Variants in DNAH9 observed in about 807,000 individuals in gnomAD.
The protein encoded by DNAH9 is dynein axonemal heavy chain 9.
In DNAH9, 345 loss-of-function variants were observed where a neutral mutation model predicts 471.6. The observed-to-expected ratio is 0.73, with a 90% CI of 0.67 to 0.80. The LOEUF is 0.80. Among genes scored for constraint, DNAH9 ranks in the 30% least tolerant of loss-of-function variants. DNAH9 has a pLI of 0.00. For missense variants in DNAH9, 5,407 were observed against 5,609.2 expected, an observed-to-expected ratio of 0.96 and a Z score of 1.15; for synonymous variants, 2,093 against 2,123.6, an observed-to-expected ratio of 0.99 and a Z score of 0.40.
intron 19 of DNAH9, among the ~76,000 whole-genome samples, chr17:11,686,003 A>G (rs1597477287): frequency 1.3e-5 from 2 of 151,698 alleles, no homozygotes; most frequent in Admixed American, 1.3e-4. Flanking sequence ...ACAGGGTTTC[A>G]CCTTGTTAGC....
At position 11,942,470 on chromosome 17, in the gene DNAH9, G is replaced by A. The variant is rs933478518; in HGVS notation, c.12828G>A (p.Leu4276=). ...TREIQRSLRE[L]ELGLKGELTM... Reference sequence around the variant, plus strand: ...AGATTCAGCGCTCACTGAGGGAGCTGGAGCTCGGCTTAAAGGTGAGCGCGG... The same window carrying A: ...AGATTCAGCGCTCACTGAGGGAGCTAGAGCTCGGCTTAAAGGTGAGCGCGG... Residue 4276 remains leucine, a synonymous_variant, in exon 67 of 69, where the codon CTG becomes CTA. Coordinates refer to ENST00000262442, the MANE Select transcript of DNAH9 (RefSeq NM_001372.4). The A allele has an allele frequency of 1.2e-6, 2 of 1,613,862 alleles. No individual in the cohort carries two copies. Among genetic ancestry groups the A allele is most frequent in the African/African-American group, 2.7e-5 (2 of 74,924 alleles).
At chr17:11,640,049 T>C (rs547188058) in intron 9 of DNAH9, among the ~76,000 whole-genome samples, 2 of 152,292 alleles carry the variant, frequency 1.3e-5, no homozygotes, top group South Asian at 2.1e-4. Flanking sequence ...TCAGAATAGC[T>C]TGGGCATGGG....
chr17:11,752,564 G>A (rs1033567877), intron 32 of DNAH9, among the ~76,000 whole-genome samples: 6 of 152,270 alleles, frequency 3.9e-5, no homozygotes, highest in Non-Finnish European at 8.8e-5. Flanking sequence ...CTACTCAGGA[G>A]GCTGAGGCAG....
chr17:11,690,218 G>A lies in DNAH9; in HGVS notation c.4396G>A (p.Glu1466Lys). ...RTNVPLLCSD[E>K]DLIEVLEDNQ... ...CAATGTCCCCCTCCTGTGCTCTGAT[G>A]AGGACCTCATAGAGGTTCTGGAGGA... is the stretch of plus-strand genomic sequence containing the variant. The change falls in exon 20 of 69, where the codon GAG (glutamate) becomes AAG (lysine). Residue 1466 changes from glutamate (E) to lysine (K), a missense_variant. Coordinates refer to ENST00000262442, the MANE Select transcript of DNAH9 (RefSeq NM_001372.4). 1 of 1,614,236 alleles carries A rather than the reference G, an allele frequency of 6.2e-7. No individual in the cohort carries two copies. The highest frequency in any genetic ancestry group is 1.1e-5 in the South Asian group (1 of 91,092).
intron 68 of DNAH9, among the ~76,000 whole-genome samples, chr17:11,968,497 G>A (rs1325815545): frequency 6.6e-6 from 1 of 152,232 alleles, no homozygotes; most frequent in East Asian, 1.9e-4. Flanking sequence ...TATGGGAAAT[G>A]AATAGGTTGC....
intron 8 of DNAH9, among the ~76,000 whole-genome samples, chr17:11,634,750 G>T (rs1430265266): frequency 6.6e-6 from 1 of 152,186 alleles, no homozygotes; most frequent in Non-Finnish European, 1.5e-5. Context: ...CAAACTGTCA[G>T]ACCTGGAAAA....
intron 33 of DNAH9, among the ~76,000 whole-genome samples, chr17:11,755,814 G>A (rs1338969067): frequency 6.6e-6 from 1 of 152,116 alleles, no homozygotes; most frequent in Non-Finnish European, 1.5e-5. Flanking sequence ...TTTTCACACT[G>A]CTGATAAAGA....
At chr17:11,665,172 A>G (rs2073846258) in intron 15 of DNAH9, among the ~76,000 whole-genome samples, 1 of 152,220 alleles carries the variant, frequency 6.6e-6, no homozygotes, top group Non-Finnish European at 1.5e-5. Context: ...TTAAAATTAG[A>G]TAATAAACCA....
At chr17:11,701,412 G>A (rs1021215571) in intron 24 of DNAH9, among the ~76,000 whole-genome samples, 165 bp downstream of exon 24, 4 of 152,188 alleles carry the variant, frequency 2.6e-5, no homozygotes, top group African/African-American at 9.7e-5. Context: ...GGAGCAGGGG[G>A]ATTAACAATA....
intron 41 of DNAH9, among the ~76,000 whole-genome samples, chr17:11,788,254 C>G (rs1305064408): frequency 6.6e-6 from 1 of 152,138 alleles, no homozygotes; most frequent in Non-Finnish European, 1.5e-5. Flanking sequence ...TGGCAGGTAC[C>G]TAGGAGAGCT....
At chr17:11,804,634 G>A (rs567619871) in intron 43 of DNAH9, among the ~76,000 whole-genome samples, 1 of 152,286 alleles carries the variant, frequency 6.6e-6, no homozygotes, top group Non-Finnish European at 1.5e-5. Context: ...ATCCCAGGGA[G>A]GGAGGCCTGG....
chr17:11,914,815 G>A (rs376767773), intron 61 of DNAH9, among the ~76,000 whole-genome samples: 14 of 152,210 alleles, frequency 9.2e-5, no homozygotes, highest in African/African-American at 3.4e-4. Context: ...GTGCCTAGTT[G>A]TGGGTCCTTT....
chr17:11,737,531 A>G (rs2150829646), intron 28 of DNAH9, among the ~76,000 whole-genome samples: 1 of 152,286 alleles, frequency 6.6e-6, no homozygotes, highest in Non-Finnish European at 1.5e-5. Context: ...GCCGGGCTGG[A>G]CAAGGCTGTG....
chr17:11,832,261 A>G (rs12948711), intron 48 of DNAH9, among the ~76,000 whole-genome samples: 43,930 of 152,062 alleles, frequency 0.29, 6,834 homozygotes, highest in Admixed American at 0.38. Context: ...TGAAGCTCCT[A>G]TTCACAGTGC....
chr17:11,746,320 G>A (rs1366771336), intron 31 of DNAH9, among the ~76,000 whole-genome samples: 1 of 152,122 alleles, frequency 6.6e-6, no homozygotes, highest in Non-Finnish European at 1.5e-5. Context: ...AGAAAGAGTG[G>A]AGGGGAAATA....
At chr17:11,854,805 G>C (rs1177198061) in intron 50 of DNAH9, among the ~76,000 whole-genome samples, 1 of 152,182 alleles carries the variant, frequency 6.6e-6, no homozygotes, top group Non-Finnish European at 1.5e-5. Context: ...ACTTTCAGTA[G>C]CATGGATGTG....
At position 11,651,118 on chromosome 17, in the gene DNAH9, AAC is replaced by A. The variant is rs771518917; in HGVS notation, c.2151_2152del (p.Met718AlafsTer2). 35 of 1,614,032 alleles carry A rather than the reference AAC, an allele frequency of 2.2e-5. No individual in the cohort carries two copies. The highest frequency in any genetic ancestry group is 1.5e-5 in the Non-Finnish European group (18 of 1,180,022). ...AGCTATCTTGAACCCAGAGAGATGAAACACATGCCTGAGACAGCAGCAGCCAT... is the reference window on the plus strand; with the variant it reads ...AGCTATCTTGAACCCAGAGAGATGAAACATGCCTGAGACAGCAGCAGCCAT... On this transcript the variant is annotated frameshift_variant, in exon 13 of 69. Transcript: ENST00000262442. LOFTEE classifies it high-confidence loss of function.
At chr17:11,852,959 A>G (rs538106729) in intron 49 of DNAH9, among the ~76,000 whole-genome samples, 154 of 149,314 alleles carry the variant, frequency 1.0e-3, no homozygotes, top group African/African-American at 3.7e-3. Context: ...TATAAGATAT[A>G]TCTTATGTTA....
intron 13 of DNAH9, 38 bp from the exon 14 acceptor site, chr17:11,652,723 A>G (rs753475901): frequency 8.1e-6 from 13 of 1,602,066 alleles, no homozygotes; most frequent in Non-Finnish European, 1.1e-5. Context: ...ATGCCACTGC[A>G]GGCTATTTCA....
Sources: allele counts gnomAD v4.1 joint callset (sites outside exome capture counted in the v4.1 genomes callset), GRCh38; gene constraint gnomAD v4.1.1; transcripts MANE v1.5; gene names NCBI Gene and HGNC (gene_info 2026-07-23, HGNC 2026-07-21).